APC2: variants seen among roughly 807,000 people sequenced by gnomAD.
APC2 encodes the protein APC regulator of Wnt signaling pathway 2, also known as adenomatous polyposis coli protein 2.
Under a neutral mutation model 72.5 loss-of-function variants are expected in APC2, and 41 were observed. The ratio of observed to expected loss-of-function variants is 0.57; its 90% CI spans 0.44 to 0.73. The LOEUF is 0.73. APC2 is among the 30% of genes least tolerant of loss of function. The pLI, the probability that APC2 is intolerant of heterozygous loss-of-function variation, is 0.00. For missense variants in APC2, 3,729 were observed against 3,403.4 expected, an observed-to-expected ratio of 1.10 and a Z score of -2.38; for synonymous variants, 1,898 against 1,612.0, an observed-to-expected ratio of 1.18 and a Z score of -4.25.
Position 1,466,186 on chromosome 19 carries a change from C to G in APC2, c.2885C>G (p.Pro962Arg). ...SRREDPRCGQ[P>R]RPSRLDLDLP... ...CGCGAGGACCCCAGGTGTGGGCAGC[C>G]TCGGCCCAGCCGGCTTGACCTTGAC... The change falls in exon 15 of 15, where the codon CCT (proline) becomes CGT (arginine). Residue 962 changes from proline to arginine, a missense_variant. By Grantham distance (103) the Pro-to-Arg change is moderately radical (BLOSUM62 -2). Transcript: ENST00000590469. The G allele has an allele frequency of 6.4e-7, 1 of 1,561,530 alleles. No homozygotes were observed. The highest frequency in any genetic ancestry group is 8.6e-7 in the Non-Finnish European group (1 of 1,164,406).
intron 9 of APC2, 154 bp downstream of exon 9, chr19:1,457,397 T>C: frequency 8.5e-7 from 1 of 1,174,200 alleles, no homozygotes; most frequent in Non-Finnish European, 1.1e-6. Context: ...TGGGGGCATT[T>C]GACGTTGGGA....
rs376608178 is a variant in APC2 at position 1,461,783 on chromosome 19, C to T, written c.1639-180C>T. The T allele has an allele frequency of 3.8e-3, 2,209 of 588,800 alleles. 65 individuals are homozygous for T. In the South Asian group the frequency reaches 0.046, roughly 12 times the overall value. The allele number at this position is 588,800 out of a possible 1,614,324, so 36.5% of individuals were successfully genotyped here. ...AGGAGAATCGCTTGAACTGGGGAGT[C>T]GGAGCCTGCAGTGAGTCGAGATCTC... On this transcript the variant is annotated intron_variant, in intron 13 of 14. Transcript: ENST00000590469.
chr19:1,456,453 G>A (rs1205270664), intron 8 of APC2, 49 bp downstream of exon 8: 7 of 1,509,410 alleles, frequency 4.6e-6, no homozygotes, highest in African/African-American at 2.8e-5. Context: ...TGGGCTGGAA[G>A]GGGGATCAGG....
intron 10 of APC2, among the ~76,000 whole-genome samples, chr19:1,459,812 T>C (rs1462047869): frequency 1.3e-5 from 2 of 152,104 alleles, no homozygotes; most frequent in African/African-American, 4.8e-5. Context: ...CTGATGGTCT[T>C]GGGGTGTATT....
intron 9 of APC2, chr19:1,457,611 T>C (rs1433970739): frequency 6.1e-6 from 3 of 491,788 alleles, no homozygotes; most frequent in East Asian, 3.9e-5. Context: ...AGCAGGAGAA[T>C]TGCTTGAGCC....
Position 1,469,837 on chromosome 19 carries a change from C to A in APC2, c.6536C>A (p.Ala2179Asp), listed in dbSNP as rs1171470055. The A allele has an allele frequency of 6.6e-7, 1 of 1,520,386 alleles. No individual in the cohort carries two copies. Among genetic ancestry groups the A allele is most frequent in the Non-Finnish European group, 8.8e-7 (1 of 1,141,140 alleles). 94.2% of individuals were successfully genotyped at this position (1,520,386 alleles called of 1,614,324 possible). A position where few individuals can be genotyped will look rare whatever the true frequency, so the allele number is the denominator to read the frequency against. The change falls in exon 15 of 15, where the codon GCC (alanine) becomes GAC (aspartate). Residue 2179 changes from alanine (A) to aspartate (D), a missense_variant. By Grantham distance (126) the Ala-to-Asp change is moderately radical. Coordinates refer to ENST00000590469, the MANE Select transcript of APC2 (RefSeq NM_005883.3). ...LRGSTPEDAPAGPPPRKTSDA... is the reference protein window; with the variant it reads ...LRGSTPEDAPDGPPPRKTSDA... ...GGCTCCACGCCCGAGGACGCCCCGGCCGGGCCCCCGCCGCGCAAGACCAGC... is the reference window on the plus strand; with the variant it reads ...GGCTCCACGCCCGAGGACGCCCCGGACGGGCCCCCGCCGCGCAAGACCAGC...
intron 10 of APC2, chr19:1,458,447 T>C (rs1416399502): frequency 1.1e-5 from 2 of 189,204 alleles, no homozygotes; most frequent in East Asian, 1.5e-4. Context: ...TAAAAAGTAA[T>C]TGAGGCCGGG....
rs139470868 is a variant in APC2, at chr19:1,460,564, C to T, written c.1444-216C>T. ...TGCTGCCTCTGCAGAAAATGGCCCT[C>T]ATTGTAGAGGGGGCCTCAGGGCCCC... On this transcript the variant is annotated intron_variant, in intron 11 of 14. Coordinates refer to ENST00000590469, the MANE Select transcript of APC2 (RefSeq NM_005883.3). Among the ~76,000 whole-genome samples the T allele has an allele frequency of 3.9e-3, 594 of 152,352 alleles. 1 individual carries two copies. Among genetic ancestry groups the T allele is most frequent in the Non-Finnish European group, 6.1e-3 (414 of 68,026 alleles).
intron 10 of APC2, chr19:1,458,425 T>C (rs1213730794): frequency 4.6e-6 from 1 of 218,976 alleles, no homozygotes; most frequent in East Asian, 1.2e-4. Flanking sequence ...CAACATCTTC[T>C]CTTTGTCAAT....
intron 13 of APC2, 78 bp downstream of exon 13, chr19:1,461,231 G>A (rs535955454): frequency 4.1e-5 from 52 of 1,268,036 alleles, no homozygotes; most frequent in Middle Eastern, 2.4e-4. Flanking sequence ...CGAGCTCTCC[G>A]ACTTGGGAGG....
chr19:1,447,218 G>A (rs1384356842), upstream of APC2, among the ~76,000 whole-genome samples: 2 of 152,238 alleles, frequency 1.3e-5, no homozygotes, highest in Admixed American at 6.5e-5. Flanking sequence ...CTCCCGCGAT[G>A]ACCTGGTGCC....
chr19:1,449,805 C>T (rs1207803205), upstream of APC2, among the ~76,000 whole-genome samples: 1 of 152,204 alleles, frequency 6.6e-6, no homozygotes, highest in Non-Finnish European at 1.5e-5. Flanking sequence ...CGCCAAGATG[C>T]TGATGTAACA....
chr19:1,466,493 AC>A lies in APC2; in HGVS notation c.3193del (p.Leu1065SerfsTer60). On this transcript the variant is annotated frameshift_variant, in exon 15 of 15. Transcript: ENST00000590469. LOFTEE classifies it low-confidence loss of function (END_TRUNC). The stretch of plus-strand genomic sequence containing the variant: ...AGAAACTGGCGGCGCAAGAGGGGCC[AC>A]TCTCGCTGTCCCGATGCAGCTCCCT... ...LQKLAAQEGP[L>X]SLSRCSSLSS... The A allele has an allele frequency of 1.9e-6, 3 of 1,597,172 alleles. No individual in the cohort carries two copies. Among genetic ancestry groups the A allele is most frequent in the Non-Finnish European group, 2.5e-6 (3 of 1,179,228 alleles).
intron 11 of APC2, among the ~76,000 whole-genome samples, 156 bp downstream of exon 11, chr19:1,460,476 T>C (rs1212603963): frequency 6.6e-6 from 1 of 152,170 alleles, no homozygotes; most frequent in Non-Finnish European, 1.5e-5. Context: ...GAGAGTGCGG[T>C]GTGGGGGGAC....
rs753055844 is a variant in APC2, at chr19:1,466,397, G to A, written c.3096G>A (p.Pro1032=). ...SPGARKQAWL[P]ADHLSKVPEK... is the part of the protein sequence containing the mutation. ...GGGCCCGGAAGCAGGCCTGGCTGCC[G>A]GCAGACCACCTGAGCAAGGTTCCCG... Residue 1032 remains proline, a synonymous_variant, in exon 15 of 15, where the codon CCG becomes CCA. Coordinates refer to ENST00000590469, the MANE Select transcript of APC2 (RefSeq NM_005883.3). 8 of 1,592,946 alleles carry A rather than the reference G, an allele frequency of 5.0e-6. No homozygotes were observed. Among genetic ancestry groups the A allele is most frequent in the East Asian group, 2.2e-5 (1 of 44,714 alleles).
In APC2 at chr19:1,468,214, C is replaced by T. The variant is rs2084059488; in HGVS notation, c.4913C>T (p.Pro1638Leu). 1 of 1,475,992 alleles carries T rather than the reference C, an allele frequency of 6.8e-7. No homozygotes were observed. The allele number at this position is 1,475,992 out of a possible 1,614,324, so 91.4% of individuals were successfully genotyped here. ...CAGCGGTGCATCAGCTCGGCCCTGC[C>T]CAGGCGCCGGCCCCCCGTGTCTGGC... ...LLQRCISSAL[P>L]RRRPPVSGLR... Residue 1638 changes from proline (P) to leucine (L), a missense_variant, in exon 15 of 15, where the codon CCC becomes CTC. Coordinates refer to ENST00000590469, the MANE Select transcript of APC2 (RefSeq NM_005883.3).
Position 1,467,598 on chromosome 19 carries a change from ACCT to A in APC2, c.4299_4301del (p.Ser1434del). The A allele has an allele frequency of 2.0e-6, 3 of 1,511,512 alleles. No homozygotes were observed. The highest frequency in any genetic ancestry group is 2.6e-6 in the Non-Finnish European group (3 of 1,136,586). The allele number at this position is 1,511,512 out of a possible 1,614,324, so 93.6% of individuals were successfully genotyped here. A position where few individuals can be genotyped will look rare whatever the true frequency, so the allele number is the denominator to read the frequency against. ...CAGGCAAAGACCCACCGGCCGCCCC[ACCT>A]CTGCCAGACAGGCCATGGGGCACCG... On this transcript the variant is annotated inframe_deletion, in exon 15 of 15. Coordinates refer to ENST00000590469, the MANE Select transcript of APC2 (RefSeq NM_005883.3).
rs370872289 is a variant in APC2 at position 1,452,865 on chromosome 19, C to G, written c.-18-119C>G. 18 of 1,257,468 alleles carry G rather than the reference C, an allele frequency of 1.4e-5. No homozygotes were observed. Among genetic ancestry groups the G allele is most frequent in the Non-Finnish European group, 1.9e-5 (18 of 927,376 alleles). The allele number at this position is 1,257,468 out of a possible 1,614,324, so 77.9% of individuals were successfully genotyped here. ...CACACCAGTGACTCCTGCCTGAGACCCCCCCCAACCCAGGATCAGGCAGGA... is the reference window on the plus strand; with the variant it reads ...CACACCAGTGACTCCTGCCTGAGACGCCCCCCAACCCAGGATCAGGCAGGA... On this transcript the variant is annotated intron_variant, in intron 1 of 14. Coordinates refer to ENST00000590469, the MANE Select transcript of APC2 (RefSeq NM_005883.3). This position sits in a 1 kb window ranked among gnomAD's most constrained non-coding sequence, Gnocchi z 5.1.
chr19:1,456,892 C>T lies in APC2; in HGVS notation c.856C>T (p.Arg286Cys), dbSNP rs1173524118. 1.3e-6 allele frequency: 2 copies of T among 1,591,000 alleles called. No homozygotes were observed. Among genetic ancestry groups the T allele is most frequent in the African/African-American group, 1.3e-5 (1 of 74,474 alleles). The change falls in exon 9 of 15, where the codon CGC becomes TGC. Residue 286 changes from arginine (R) to cysteine (C), a missense_variant. Coordinates refer to ENST00000590469, the MANE Select transcript of APC2 (RefSeq NM_005883.3). The stretch of plus-strand genomic sequence containing the variant: ...CTGGCTGTTGTCCATGTTGGCGACG[C>T]GCGACCAGGAGGATACAGCGCGCAC... ...VFWLLSMLAT[R>C]DQEDTARTLL...
Sources: allele counts gnomAD v4.1 joint callset (sites outside exome capture counted in the v4.1 genomes callset), GRCh38; gene constraint gnomAD v4.1.1; non-coding constraint Gnocchi (gnomAD v3.1); transcripts MANE v1.5; gene names NCBI Gene and HGNC (gene_info 2026-07-23, HGNC 2026-07-21).